DCAF6: variants seen among roughly 807,000 people sequenced by gnomAD.
DCAF6 encodes DDB1- and CUL4-associated factor 6.
In DCAF6, 54 loss-of-function variants were observed where a neutral mutation model predicts 125.1. The ratio of observed to expected loss-of-function variants is 0.43; its 90% CI spans 0.35 to 0.54. DCAF6 has a LOEUF of 0.54. DCAF6 is among the 20% of genes least tolerant of loss of function. The probability of loss-of-function intolerance (pLI) is 0.01; values close to 1 mark genes in which losing one functional copy is unlikely to be tolerated. For synonymous variants in DCAF6, 371 were observed against 390.4 expected (o/e 0.95, Z 0.58); for missense variants, 934 against 1,161.7 (o/e 0.80, Z 2.85).
At position 167,966,739 on chromosome 1, in the gene DCAF6, A is replaced by C. The variant is rs776531024; in HGVS notation, c.252+18A>C. 4 of 1,451,622 alleles carry C rather than the reference A, an allele frequency of 2.8e-6. No homozygotes were observed. In the South Asian group the frequency reaches 4.8e-5, roughly 18 times the overall value. 89.9% of individuals were successfully genotyped at this position (1,451,622 alleles called of 1,614,324 possible). ...GCAGAAAGGTAAAGTAGTTTAAAAA[A>C]TCTGTAATTTAATGAGAGAAAAAAA... On this transcript the variant is annotated intron_variant, in intron 3 of 21. Transcript: ENST00000367840.
intron 12 of DCAF6, among the ~76,000 whole-genome samples, chr1:168,026,342 G>T (rs553949972): frequency 9.9e-5 from 15 of 152,112 alleles, no homozygotes; most frequent in Non-Finnish European, 2.2e-4. Flanking sequence ...TTATTTAAGA[G>T]CTGTAGGGAT....
chr1:167,942,234 T>G (rs150890634), intron 1 of DCAF6, among the ~76,000 whole-genome samples: 2 of 122,310 alleles, frequency 1.6e-5, no homozygotes, highest in East Asian at 3.9e-4. Context: ...CCAGCTAATG[T>G]TGTATTTTTA....
chr1:168,070,249 A>G (rs1692854834), intron 21 of DCAF6, among the ~76,000 whole-genome samples: 1 of 152,078 alleles, frequency 6.6e-6, no homozygotes, highest in South Asian at 2.1e-4. Context: ...AATACTAGAT[A>G]GAATAAAGTG....
At chr1:167,897,671 T>G in the DCAF6 span, among the ~76,000 whole-genome samples, 6 of 63,596 alleles carry the variant, frequency 9.4e-5, no homozygotes, top group South Asian at 1.3e-3. Flanking sequence ...ACCACTGAAG[T>G]GCTGTTGCAG....
At chr1:168,017,869 G>T (rs767769096) in intron 11 of DCAF6, among the ~76,000 whole-genome samples, 14 of 151,914 alleles carry the variant, frequency 9.2e-5, no homozygotes, top group Non-Finnish European at 2.1e-4. Flanking sequence ...TTCATACTTT[G>T]GTATCTTTAG....
chr1:167,893,849 A>G, the DCAF6 span: 6 of 1,608,632 alleles, frequency 3.7e-6, no homozygotes, highest in South Asian at 1.1e-5. Context: ...AATTTTGAAA[A>G]TACCTGCTTC....
chr1:168,003,732 A>G, intron 8 of DCAF6, 138 bp from the exon 9 acceptor site: 1 of 683,240 alleles, frequency 1.5e-6, no homozygotes, highest in Admixed American at 3.1e-5. Context: ...AGATTTATAT[A>G]CATTCATACA....
At chr1:167,880,345 C>T in the DCAF6 span, 6 of 949,402 alleles carry the variant, frequency 6.3e-6, no homozygotes, top group East Asian at 4.9e-5. Context: ...CTACATGGCC[C>T]GGAGATGCGA....
the DCAF6 span, among the ~76,000 whole-genome samples, chr1:167,870,969 T>C: frequency 6.6e-6 from 1 of 152,204 alleles, no homozygotes; most frequent in Non-Finnish European, 1.5e-5. Flanking sequence ...AGTATTCTTA[T>C]AATCCTCATT....
chr1:168,026,334 A>G (rs1686342156), intron 12 of DCAF6, among the ~76,000 whole-genome samples: 1 of 152,186 alleles, frequency 6.6e-6, no homozygotes, highest in Non-Finnish European at 1.5e-5. Context: ...TTAAGCAATT[A>G]TTTAAGAGCT....
chr1:167,993,205 A>T, intron 6 of DCAF6, 21 bp from the exon 7 acceptor site: 1 of 1,580,064 alleles, frequency 6.3e-7, no homozygotes, highest in Non-Finnish European at 8.6e-7. Flanking sequence ...AATTTTAAAT[A>T]ACTTCTTGTT....
chr1:167,936,101 C>A, upstream of DCAF6: 1 of 545,282 alleles, frequency 1.8e-6, no homozygotes. Flanking sequence ...GAGGGAGGAG[C>A]CATGGCAACA....
Position 168,005,267 on chromosome 1 carries a change from CAT to C in DCAF6, c.1378+478_1378+479del, listed in dbSNP as rs1209620240. Among the ~76,000 whole-genome samples the C allele has an allele frequency of 2.0e-5, 3 of 152,000 alleles. No individual in the cohort carries two copies. The East Asian group carries it at 5.8e-4, about 29-fold the overall frequency. On this transcript the variant is annotated intron_variant, in intron 10 of 21. Transcript: ENST00000367840. Reference sequence around the variant, plus strand: ...ATTTGATATGGTCTTTTGTCAACAACATATAATTTACCAAAAAATTTGTTTCT... The same window carrying C: ...ATTTGATATGGTCTTTTGTCAACAACATAATTTACCAAAAAATTTGTTTCT...
rs188361370 is a variant in DCAF6 at position 167,953,374 on chromosome 1, A to G, written c.159+1513A>G. On this transcript the variant is annotated intron_variant, in intron 2 of 21. Coordinates refer to ENST00000367840, the MANE Select transcript of DCAF6 (RefSeq NM_001198956.2). ...GCCTGGTCAGTATCTTTCTCCTTAC[A>G]TTATTATTATTATTGATAGTGCTTA... is the stretch of plus-strand genomic sequence containing the variant. Among the ~76,000 whole-genome samples the G allele has an allele frequency of 3.7e-3, 570 of 152,144 alleles. 4 individuals are homozygous for G. Among genetic ancestry groups the G allele is most frequent in the African/African-American group, 0.013 (554 of 41,494 alleles).
chr1:167,925,862 A>G, the DCAF6 span, among the ~76,000 whole-genome samples: 65 of 152,300 alleles, frequency 4.3e-4, no homozygotes, highest in Admixed American at 3.9e-3. Context: ...TAACTTTTAA[A>G]GTACTTTAAA....
At chr1:167,872,913 T>C in the DCAF6 span, among the ~76,000 whole-genome samples, 1 of 151,204 alleles carries the variant, frequency 6.6e-6, no homozygotes, top group Non-Finnish European at 1.5e-5. Flanking sequence ...CTACTAAAAA[T>C]ACAAAAATTA....
the DCAF6 span, among the ~76,000 whole-genome samples, chr1:167,864,347 G>C: frequency 2.6e-5 from 4 of 152,166 alleles, no homozygotes; most frequent in African/African-American, 9.7e-5. Context: ...TATGACACTA[G>C]AAAAACTTAG....
intron 2 of DCAF6, among the ~76,000 whole-genome samples, chr1:167,952,436 G>T (rs563160881): frequency 6.6e-6 from 1 of 152,196 alleles, no homozygotes; most frequent in South Asian, 2.1e-4. Flanking sequence ...AGCCAGGATG[G>T]TGTTGATCTG....
At chr1:168,008,196 T>G (rs909441179) in intron 10 of DCAF6, among the ~76,000 whole-genome samples, 1 of 152,010 alleles carries the variant, frequency 6.6e-6, no homozygotes, top group African/African-American at 2.4e-5. Flanking sequence ...CTTGAACTCC[T>G]AACCTCAAGC....
Sources: allele counts gnomAD v4.1 joint callset (sites outside exome capture counted in the v4.1 genomes callset), GRCh38; gene constraint gnomAD v4.1.1; transcripts MANE v1.5; gene names NCBI Gene and HGNC (gene_info 2026-07-23, HGNC 2026-07-21).